UPRT: variants seen among roughly 807,000 people sequenced by gnomAD.
The protein encoded by UPRT is uracil phosphoribosyltransferase homolog.
In UPRT, 5 loss-of-function variants were observed where a neutral mutation model predicts 22.6. The ratio of observed to expected loss-of-function variants is 0.22; its 90% CI spans 0.12 to 0.47. UPRT has a LOEUF of 0.47. UPRT is among the 20% of genes least tolerant of loss of function. The pLI is 0.99. For synonymous variants in UPRT, 77 were observed against 87.7 expected (o/e 0.88, Z 0.68); for missense variants, 181 against 239.9 (o/e 0.75, Z 1.62).
At chrX:75,276,014 C>A (rs951316259) in intron 1 of UPRT, among the ~76,000 whole-genome samples, 4 of 111,954 alleles carry the variant, frequency 3.6e-5, no homozygotes, top group African/African-American at 1.3e-4. Context: ...GCCTGGCCCC[C>A]TTAGCTTGGG....
At chrX:75,291,714 T>G (rs2082708949) in intron 1 of UPRT, among the ~76,000 whole-genome samples, 1 of 111,603 alleles carries the variant, frequency 9.0e-6, no homozygotes, top group South Asian at 3.8e-4. Flanking sequence ...ATGAATAGTA[T>G]GGATCTGAAG....
chrX:75,294,743 A>G (rs1382599529), intron 2 of UPRT: 1 of 365,218 alleles, frequency 2.7e-6, no homozygotes, highest in East Asian at 1.5e-4. Context: ...TAGTTACGTC[A>G]TTCTGTCTTT....
chrX:75,195,579 C>T (rs2082330477), intron 4 of UPRT, among the ~76,000 whole-genome samples: 1 of 112,161 alleles, frequency 8.9e-6, no homozygotes, highest in Non-Finnish European at 1.9e-5. Context: ...CTGAAGTGTC[C>T]ATGAAGGTCG....
At chrX:75,234,719 A>T (rs1201220902) in intron 4 of UPRT, among the ~76,000 whole-genome samples, 14 of 111,399 alleles carry the variant, frequency 1.3e-4, no homozygotes, top group African/African-American at 4.6e-4. Context: ...GCAGAAATAA[A>T]GATGTTCTTT....
intron 4 of UPRT, among the ~76,000 whole-genome samples, chrX:75,266,998 A>T (rs1018192189): frequency 1.8e-5 from 2 of 111,446 alleles, no homozygotes; most frequent in African/African-American, 6.5e-5. Flanking sequence ...TGGGACTGTA[A>T]ACTGGTTCAA....
intron 4 of UPRT, among the ~76,000 whole-genome samples, chrX:75,187,275 C>G (rs1410706158): frequency 9.0e-6 from 1 of 111,113 alleles, no homozygotes; most frequent in Non-Finnish European, 1.9e-5. Flanking sequence ...TTCTCCTTCA[C>G]TTATGAAGCT....
At chrX:75,298,131 A>C (rs1460144096) in intron 4 of UPRT, among the ~76,000 whole-genome samples, 1 of 108,451 alleles carries the variant, frequency 9.2e-6, no homozygotes, top group South Asian at 4.2e-4. Flanking sequence ...GGCACATGCC[A>C]CTATACCTAG....
At chrX:75,186,485 A>T (rs2082292371) in intron 4 of UPRT, among the ~76,000 whole-genome samples, 1 of 111,611 alleles carries the variant, frequency 9.0e-6, no homozygotes, top group Non-Finnish European at 1.9e-5. Context: ...GTGCTGAAAA[A>T]AATGTATATT....
chrX:75,232,087 A>C (rs11797174), intron 4 of UPRT, among the ~76,000 whole-genome samples: 1 of 110,464 alleles, frequency 9.1e-6, no homozygotes, highest in Non-Finnish European at 1.9e-5. Context: ...TGAACTCACC[A>C]TGCATGAGCC....
chrX:75,206,025 C>T (rs1445764974), intron 4 of UPRT, among the ~76,000 whole-genome samples: 1 of 111,546 alleles, frequency 9.0e-6, no homozygotes, highest in Non-Finnish European at 1.9e-5. Flanking sequence ...GGCATTGGCC[C>T]ATTTAATTTT....
At chrX:75,278,941 A>C (rs183080455) in intron 1 of UPRT, among the ~76,000 whole-genome samples, 8 of 111,888 alleles carry the variant, frequency 7.2e-5, no homozygotes, top group African/African-American at 2.6e-4. Flanking sequence ...TATGTGACTA[A>C]GTAATGTATT....
intron 4 of UPRT, among the ~76,000 whole-genome samples, chrX:75,173,501 G>T (rs754590718): frequency 8.9e-6 from 1 of 112,446 alleles, no homozygotes; most frequent in Non-Finnish European, 1.9e-5. Context: ...GACTCTCCAC[G>T]TCCCCACCAG....
At chrX:75,196,093 CA>C (rs766810461) in intron 4 of UPRT, among the ~76,000 whole-genome samples, 1 of 112,244 alleles carries the variant, frequency 8.9e-6, no homozygotes, top group African/African-American at 3.2e-5. Context: ...GTCTGTGGAT[CA>C]ATCTGTAGAA....
intron 4 of UPRT, among the ~76,000 whole-genome samples, chrX:75,262,077 A>G (rs1271720014): frequency 1.8e-5 from 2 of 111,797 alleles, no homozygotes; most frequent in African/African-American, 6.5e-5. Flanking sequence ...CAGACTAACA[A>G]CAGATGCCTC....
At chrX:75,297,108 T>C (rs1420423314) in intron 3 of UPRT, among the ~76,000 whole-genome samples, 1 of 111,403 alleles carries the variant, frequency 9.0e-6, no homozygotes, top group African/African-American at 3.3e-5. Context: ...TAAAGAAGAA[T>C]GGAATGAGGA....
Position 75,299,855 on chromosome X carries a change from A to G in UPRT, c.683A>G (p.Asp228Gly). The G allele has an allele frequency of 8.3e-7, 1 of 1,211,644 alleles. No homozygotes were observed. Among genetic ancestry groups the G allele is most frequent in the Non-Finnish European group, 1.1e-6 (1 of 895,480 alleles). The change falls in exon 5 of 7, where the codon GAC becomes GGC. Residue 228 changes from aspartate to glycine, a missense_variant. Around this residue, in one of 2 missense-constraint regions of UPRT, gnomAD observed 70 missense variants for 137.0 expected, o/e 0.51. Coordinates refer to ENST00000373383, the MANE Select transcript of UPRT (RefSeq NM_145052.4). ...GTATATTATGCCAAATTCCCCCCAG[A>G]CATTTACCGGAGAAAAGTCCTTCTG... ...AKVYYAKFPP[D>G]IYRRKVLLMY...
At chrX:75,177,803 C>T (rs1211494546) in intron 4 of UPRT, among the ~76,000 whole-genome samples, 2 of 111,830 alleles carry the variant, frequency 1.8e-5, no homozygotes, top group South Asian at 7.4e-4. Context: ...TTGGTGAGCC[C>T]AGGTGCCTAA....
chrX:75,288,249 A>T (rs953925707), intron 1 of UPRT, among the ~76,000 whole-genome samples: 1 of 111,639 alleles, frequency 9.0e-6, no homozygotes, highest in Non-Finnish European at 1.9e-5. Flanking sequence ...CCAGACATAC[A>T]AGAAGAGCTT....
At chrX:75,244,386 T>A (rs932683033) in intron 4 of UPRT, among the ~76,000 whole-genome samples, 1 of 112,024 alleles carries the variant, frequency 8.9e-6, no homozygotes, top group Non-Finnish European at 1.9e-5. Context: ...AAACTACCAA[T>A]GACATTCTTT....
Sources: gnomAD v4.1 joint callset for allele counts (sites outside exome capture counted in the v4.1 genomes callset) on GRCh38, gnomAD v4.1.1 for gene constraint, gnomAD v4.1.1 regional missense constraint, MANE v1.5 for transcripts, NCBI Gene and HGNC (gene_info 2026-07-23, HGNC 2026-07-21) for gene names.